Variants in ADGRB3 observed in about 807,000 individuals in gnomAD.
The protein encoded by ADGRB3 is adhesion G protein-coupled receptor B3, also known as brain-specific angiogenesis inhibitor 3.
In ADGRB3, 37 loss-of-function variants were observed where a neutral mutation model predicts 193.4. The ratio of observed to expected loss-of-function variants is 0.19; its 90% CI spans 0.15 to 0.25. The LOEUF (loss-of-function observed/expected upper bound fraction) is 0.25, where lower values mean the gene tolerates loss of function less well. Ranked by LOEUF, ADGRB3 falls within the 10% of genes least tolerant of loss-of-function variation. The pLI is 1.00. For synonymous variants in ADGRB3, 690 were observed against 644.2 expected (o/e 1.07, Z -1.08); for missense variants, 1,637 against 1,852.9 (o/e 0.88, Z 2.14).
chr6:68,893,061 G>T (rs1766123799), intron 3 of ADGRB3, among the ~76,000 whole-genome samples: 1 of 151,958 alleles, frequency 6.6e-6, no homozygotes, highest in Admixed American at 6.6e-5. Flanking sequence ...GAAAATTTTT[G>T]CTCAGGGTAT....
At chr6:69,123,277 A>T (rs1456893074) in intron 17 of ADGRB3, among the ~76,000 whole-genome samples, 1 of 152,214 alleles carries the variant, frequency 6.6e-6, no homozygotes, top group Non-Finnish European at 1.5e-5. Context: ...TATTAGAGTT[A>T]GAAACAGTAA....
intron 3 of ADGRB3, among the ~76,000 whole-genome samples, chr6:68,897,597 G>T (rs1766266047): frequency 1.1e-5 from 1 of 93,174 alleles, no homozygotes; most frequent in Non-Finnish European, 2.2e-5. Context: ...AGGGATAGGG[G>T]AGGGCAGGAA....
intron 3 of ADGRB3, among the ~76,000 whole-genome samples, chr6:68,768,224 T>C (rs1276645173): frequency 2.6e-5 from 4 of 151,984 alleles, no homozygotes; most frequent in Non-Finnish European, 4.4e-5. Context: ...AAAGAGCCCA[T>C]ATAGCCAAGA....
chr6:69,139,334 A>G (rs1348138108), intron 17 of ADGRB3, among the ~76,000 whole-genome samples: 4 of 152,190 alleles, frequency 2.6e-5, no homozygotes, highest in African/African-American at 9.6e-5. Flanking sequence ...TGATATTCAG[A>G]CTGGTTGGTT....
chr6:68,681,351 A>G (rs996940939), intron 3 of ADGRB3, among the ~76,000 whole-genome samples: 2 of 152,136 alleles, frequency 1.3e-5, no homozygotes, highest in African/African-American at 2.4e-5. Flanking sequence ...TAGAGACAGC[A>G]TCTCCCTTTG....
chr6:69,285,595 C>T (rs936495241), intron 20 of ADGRB3, among the ~76,000 whole-genome samples: 1 of 152,096 alleles, frequency 6.6e-6, no homozygotes, highest in African/African-American at 2.4e-5. Context: ...TGCTTGAACC[C>T]GGGAGGCAGA....
chr6:69,375,787 A>G (rs989819462), intron 30 of ADGRB3, among the ~76,000 whole-genome samples: 1 of 152,016 alleles, frequency 6.6e-6, no homozygotes, highest in Non-Finnish European at 1.5e-5. Context: ...TACTGAAAAT[A>G]CAAAAATTAG....
chr6:69,332,767 G>A (rs141566392), intron 23 of ADGRB3, 156 bp from the exon 24 acceptor site: 60 of 985,378 alleles, frequency 6.1e-5, no homozygotes, highest in East Asian at 4.5e-4. Context: ...AAATTGTTCC[G>A]TATGCCTCTG....
intron 17 of ADGRB3, among the ~76,000 whole-genome samples, chr6:69,085,625 T>A (rs1014863128): frequency 2.0e-5 from 3 of 152,002 alleles, no homozygotes; most frequent in African/African-American, 7.2e-5. Flanking sequence ...TTCCTTAATA[T>A]TTAATTTGAT....
At chr6:68,820,146 C>T (rs1767722585) in intron 3 of ADGRB3, among the ~76,000 whole-genome samples, 2 of 151,936 alleles carry the variant, frequency 1.3e-5, no homozygotes, top group African/African-American at 4.8e-5. Flanking sequence ...TCCATATTAC[C>T]TGTATTTAGA....
intron 20 of ADGRB3, among the ~76,000 whole-genome samples, chr6:69,262,013 C>A (rs529032605): frequency 1.6e-3 from 248 of 152,092 alleles, no homozygotes; most frequent in Middle Eastern, 3.4e-3. Flanking sequence ...AATTCTGTAT[C>A]TCTTGTGAAT....
chr6:68,712,974 A>C (rs1381529071), intron 3 of ADGRB3, among the ~76,000 whole-genome samples: 1 of 151,942 alleles, frequency 6.6e-6, no homozygotes, highest in Non-Finnish European at 1.5e-5. Context: ...GATGTGTTTA[A>C]ATGCCTCTTT....
intron 17 of ADGRB3, among the ~76,000 whole-genome samples, chr6:69,109,174 T>C (rs866275198): frequency 6.9e-6 from 1 of 144,518 alleles, no homozygotes; most frequent in Admixed American, 6.9e-5. Flanking sequence ...ATAAGCAAAA[T>C]TAAGAATTTG....
chr6:68,838,213 C>T (rs1357646869), intron 3 of ADGRB3, among the ~76,000 whole-genome samples: 1 of 152,080 alleles, frequency 6.6e-6, no homozygotes, highest in African/African-American at 2.4e-5. Context: ...GCATTATCAA[C>T]GCTCATTTCC....
At chr6:69,018,057 A>G (rs1770148171) in intron 12 of ADGRB3, among the ~76,000 whole-genome samples, 2 of 151,892 alleles carry the variant, frequency 1.3e-5, no homozygotes, top group South Asian at 4.1e-4. Flanking sequence ...AAAGAGCCCA[A>G]TTTCAGTGTT....
At chr6:69,349,775 TC>T (rs1229304077) in intron 26 of ADGRB3, among the ~76,000 whole-genome samples, 1 of 152,186 alleles carries the variant, frequency 6.6e-6, no homozygotes, top group Non-Finnish European at 1.5e-5. Context: ...CTTAGAATGA[TC>T]CTCTTGAATA....
chr6:69,150,532 G>T (rs992253190), intron 17 of ADGRB3, among the ~76,000 whole-genome samples: 2 of 152,128 alleles, frequency 1.3e-5, no homozygotes, highest in Non-Finnish European at 2.9e-5. Flanking sequence ...CCCAGAACAG[G>T]TCCATAAATT....
chr6:68,641,851 G>A (rs992825908), intron 3 of ADGRB3, among the ~76,000 whole-genome samples: 8 of 151,708 alleles, frequency 5.3e-5, no homozygotes, highest in African/African-American at 1.9e-4. Context: ...TTCAATATTT[G>A]ATATTATGAT....
intron 3 of ADGRB3, among the ~76,000 whole-genome samples, chr6:68,807,323 C>T (rs574394204): frequency 1.0e-4 from 15 of 148,946 alleles, no homozygotes; most frequent in African/African-American, 2.5e-4. Flanking sequence ...CTGCAGGCTC[C>T]GCCCCGCGGG....
Sources: gnomAD v4.1 joint callset for allele counts (sites outside exome capture counted in the v4.1 genomes callset) on GRCh38, gnomAD v4.1.1 for gene constraint, MANE v1.5 for transcripts, NCBI Gene and HGNC (gene_info 2026-07-23, HGNC 2026-07-21) for gene names.